The following DPP10 variants were observed in gnomAD, a reference collection of about 807,000 sequenced individuals.
DPP10 encodes the protein dipeptidyl peptidase like 10.
DPP10 carries 33 observed loss-of-function variants against 120.9 expected under a neutral mutation model. The ratio of observed to expected loss-of-function variants is 0.27; its 90% CI spans 0.21 to 0.37. The LOEUF is 0.37. DPP10 is among the 10% of genes least tolerant of loss of function. The probability of loss-of-function intolerance (pLI) is 1.00; values close to 1 mark genes in which losing one functional copy is unlikely to be tolerated. For missense variants in DPP10, 816 were observed against 942.8 expected (o/e 0.87, Z 1.76); for synonymous variants, 337 against 326.1 (o/e 1.03, Z -0.36).
chr2:115,156,400 G>C (rs2051913664), intron 1 of DPP10, among the ~76,000 whole-genome samples: 1 of 152,088 alleles, frequency 6.6e-6, no homozygotes, highest in African/African-American at 2.4e-5. Flanking sequence ...ACTATCTCTT[G>C]TTTTCTAGGG....
At chr2:115,809,347 C>T (rs1488038687) in intron 19 of DPP10, among the ~76,000 whole-genome samples, 1 of 152,134 alleles carries the variant, frequency 6.6e-6, no homozygotes, top group Non-Finnish European at 1.5e-5. Flanking sequence ...TTATAAATCT[C>T]TATAAAGTAA....
intron 3 of DPP10, among the ~76,000 whole-genome samples, chr2:115,359,267 T>C (rs1574549039): frequency 6.6e-6 from 1 of 152,192 alleles, no homozygotes; most frequent in Non-Finnish European, 1.5e-5. Flanking sequence ...TGGAGGCAGG[T>C]ATTGTTCATT....
intron 2 of DPP10, among the ~76,000 whole-genome samples, chr2:115,311,964 C>A (rs2061597570): frequency 6.6e-6 from 1 of 151,950 alleles, no homozygotes; most frequent in Admixed American, 6.6e-5. Flanking sequence ...CTGTGTTGTC[C>A]AGGCTGGTCT....
chr2:115,374,121 T>C (rs1384436969), intron 3 of DPP10, among the ~76,000 whole-genome samples: 3 of 152,114 alleles, frequency 2.0e-5, no homozygotes, highest in African/African-American at 7.2e-5. Flanking sequence ...TTAAATCTCA[T>C]GTCCTTCTCA....
chr2:115,487,476 C>A (rs2075847958), intron 3 of DPP10, among the ~76,000 whole-genome samples: 1 of 26,584 alleles, frequency 3.8e-5, no homozygotes, highest in Non-Finnish European at 6.5e-5. Flanking sequence ...TGACTTCAAA[C>A]TATACTACAA....
intron 1 of DPP10, among the ~76,000 whole-genome samples, chr2:114,520,617 A>G (rs1684971279): frequency 6.6e-6 from 1 of 152,256 alleles, no homozygotes; most frequent in Non-Finnish European, 1.5e-5. Flanking sequence ...GCTTCTCTTT[A>G]TGAAAGTGTC....
At chr2:114,492,196 C>T (rs1186163077) in intron 1 of DPP10, among the ~76,000 whole-genome samples, 1 of 152,072 alleles carries the variant, frequency 6.6e-6, no homozygotes, top group African/African-American at 2.4e-5. Context: ...ATATATTATT[C>T]ACCGAGCGAC....
intron 7 of DPP10, among the ~76,000 whole-genome samples, chr2:115,698,943 A>G (rs1283173716): frequency 6.6e-6 from 1 of 151,684 alleles, no homozygotes; most frequent in Non-Finnish European, 1.5e-5. Flanking sequence ...GATAATTAAA[A>G]ACAGAGAAAA....
At chr2:114,596,164 C>T (rs1197862352) in intron 1 of DPP10, among the ~76,000 whole-genome samples, 1 of 149,618 alleles carries the variant, frequency 6.7e-6, no homozygotes, top group Non-Finnish European at 1.5e-5. Flanking sequence ...ACTTTTTTAG[C>T]TCTTGCTTTC....
chr2:115,145,150 A>T (rs1559143695), intron 1 of DPP10: 1 of 152,132 alleles, frequency 6.6e-6, no homozygotes, highest in Non-Finnish European at 1.5e-5. Context: ...TGTCAGAAAA[A>T]AAAAAGAAGA....
intron 4 of DPP10, among the ~76,000 whole-genome samples, chr2:115,521,393 C>A (rs1297755907): frequency 6.6e-6 from 1 of 152,106 alleles, no homozygotes; most frequent in Non-Finnish European, 1.5e-5. Context: ...ATCCACAAAT[C>A]CTGCACATTT....
Position 114,805,065 on chromosome 2 carries a change from G to T in DPP10, c.60+362227G>T, listed in dbSNP as rs1684603868. 2.0e-5 allele frequency among the ~76,000 whole-genome samples: 3 copies of T among 152,092 alleles called. No homozygotes were observed. The South Asian group carries it at 6.2e-4, about 32-fold the overall frequency. On this transcript the variant is annotated intron_variant, in intron 1 of 25. Coordinates refer to ENST00000410059, the MANE Select transcript of DPP10 (RefSeq NM_020868.6). ...TCATAATAGTGAATAAGTCTCACGA[G>T]ATCTGATGGGTTTATCAGGGGTTTC...
At position 114,444,569 on chromosome 2, in the gene DPP10, T is replaced by A. The variant is rs982679520; in HGVS notation, c.60+1731T>A. On this transcript the variant is annotated intron_variant, in intron 1 of 25. Coordinates refer to ENST00000410059, the MANE Select transcript of DPP10 (RefSeq NM_020868.6). Reference sequence around the variant, plus strand: ...TGGCATTGGCTGCCCACAAACAAACTGTGGAACAGAAAAAAAAATGTTTCT... The same window carrying A: ...TGGCATTGGCTGCCCACAAACAAACAGTGGAACAGAAAAAAAAATGTTTCT... Among the ~76,000 whole-genome samples, 3 of 111,990 alleles carry A rather than the reference T, an allele frequency of 2.7e-5. No individual in the cohort carries two copies. The South Asian group carries it at 9.6e-4, about 36-fold the overall frequency. The allele number at this position is 111,990 out of a possible 152,430, so 73.5% of individuals were successfully genotyped here. A position where few individuals can be genotyped will look rare whatever the true frequency, so the allele number is the denominator to read the frequency against.
chr2:115,414,999 G>C (rs2104615390), intron 3 of DPP10, among the ~76,000 whole-genome samples: 1 of 152,272 alleles, frequency 6.6e-6, no homozygotes, highest in African/African-American at 2.4e-5. Flanking sequence ...GATTAAATTT[G>C]AGCCATCTGA....
At chr2:114,828,443 A>G (rs1354902787) in intron 1 of DPP10, 2 of 152,228 alleles carry the variant, frequency 1.3e-5, no homozygotes, top group Admixed American at 1.3e-4. Flanking sequence ...ACATGCACAC[A>G]AATATGGAGT....
At chr2:115,323,573 C>T (rs1394623282) in intron 2 of DPP10, among the ~76,000 whole-genome samples, 2 of 152,150 alleles carry the variant, frequency 1.3e-5, no homozygotes, top group African/African-American at 4.8e-5. Flanking sequence ...TTTGCCCAGA[C>T]CCTTCAGAAG....
At chr2:114,817,703 T>C (rs1685754619) in intron 1 of DPP10, among the ~76,000 whole-genome samples, 1 of 152,084 alleles carries the variant, frequency 6.6e-6, no homozygotes, top group Non-Finnish European at 1.5e-5. Flanking sequence ...GGTGGAGAAA[T>C]GCATGTGACA....
rs1479606471 is a variant in DPP10, at chr2:115,237,818, A to G, written c.61-71421A>G. 4.6e-5 allele frequency among the ~76,000 whole-genome samples: 7 copies of G among 152,318 alleles called. No homozygotes were observed. The East Asian group carries it at 1.2e-3, about 25-fold the overall frequency. On this transcript the variant is annotated intron_variant, in intron 1 of 25. Transcript: ENST00000410059. ...CAAGGCCGTAACTCCCTTCAGTTCT[A>G]TAAAGGCTGAGAGAGATGAGGAAAT... is the stretch of plus-strand genomic sequence containing the variant.
chr2:115,620,559 C>T (rs1227497103), intron 5 of DPP10, among the ~76,000 whole-genome samples: 1 of 152,170 alleles, frequency 6.6e-6, no homozygotes, highest in Admixed American at 6.5e-5. Flanking sequence ...TCTTACAAAT[C>T]TCTACTAACA....
Sources: allele counts gnomAD v4.1 joint callset (sites outside exome capture counted in the v4.1 genomes callset), GRCh38; gene constraint gnomAD v4.1.1; transcripts MANE v1.5; gene names NCBI Gene and HGNC (gene_info 2026-07-23, HGNC 2026-07-21).